STXBP5: variants seen among roughly 807,000 people sequenced by gnomAD.
STXBP5 encodes syntaxin binding protein 5.
STXBP5 carries 50 observed loss-of-function variants against 152.4 expected under a neutral mutation model. The observed-to-expected ratio is 0.33, with a 90% CI of 0.26 to 0.42. The LOEUF (loss-of-function observed/expected upper bound fraction) is 0.42, where lower values mean the gene tolerates loss of function less well. Ranked by LOEUF, STXBP5 falls within the 10% of genes least tolerant of loss-of-function variation. STXBP5 has a pLI of 1.00. For missense variants in STXBP5, 1,167 were observed against 1,388.6 expected, an observed-to-expected ratio of 0.84 and a Z score of 2.54; for synonymous variants, 492 against 494.7, an observed-to-expected ratio of 0.99 and a Z score of 0.07.
chr6:147,281,997 T>A (rs1780724997), intron 8 of STXBP5, among the ~76,000 whole-genome samples: 1 of 152,224 alleles, frequency 6.6e-6, no homozygotes, highest in Non-Finnish European at 1.5e-5. Flanking sequence ...TTGTATTTAC[T>A]CATTCTACAA....
chr6:147,345,356 A>G (rs906640571), intron 21 of STXBP5, among the ~76,000 whole-genome samples: 2 of 152,302 alleles, frequency 1.3e-5, no homozygotes, highest in Non-Finnish European at 1.5e-5. Context: ...GGCTACTAAA[A>G]TACATACGAT....
intron 25 of STXBP5, among the ~76,000 whole-genome samples, chr6:147,368,983 C>T (rs1785421853): frequency 6.6e-6 from 1 of 151,524 alleles, no homozygotes; most frequent in Admixed American, 6.6e-5. Context: ...TAGGAATTGA[C>T]AAATTTATCC....
intron 26 of STXBP5, among the ~76,000 whole-genome samples, chr6:147,379,461 G>A (rs1461291175): frequency 6.6e-6 from 1 of 152,098 alleles, no homozygotes; most frequent in African/African-American, 2.4e-5. Context: ...ACATGGTATA[G>A]AAGATTCAAT....
chr6:147,313,850 A>G, intron 11 of STXBP5, 34 bp from the exon 12 acceptor site: 1 of 1,362,422 alleles, frequency 7.3e-7, no homozygotes, highest in South Asian at 1.6e-5. Context: ...AATTCATTAA[A>G]TTAATAAATA....
At chr6:147,315,794 G>A in intron 15 of STXBP5, 59 bp downstream of exon 15, 1 of 1,526,624 alleles carries the variant, frequency 6.6e-7, no homozygotes, top group Non-Finnish European at 9.0e-7. Context: ...TTTTAAATTT[G>A]TGGATGATTT....
At chr6:147,374,331 C>T (rs929370953) in intron 26 of STXBP5, among the ~76,000 whole-genome samples, 1 of 152,128 alleles carries the variant, frequency 6.6e-6, no homozygotes, top group African/African-American at 2.4e-5. Context: ...TCAGTGAATG[C>T]TTGACCTTTC....
chr6:147,285,162 G>A (rs559360800), intron 8 of STXBP5, among the ~76,000 whole-genome samples: 1 of 152,252 alleles, frequency 6.6e-6, no homozygotes, highest in South Asian at 2.1e-4. Flanking sequence ...GTTATTAAGT[G>A]AGGTTTTATA....
In STXBP5 at chr6:147,290,913, C is replaced by T. The variant is rs537028297; in HGVS notation, c.839-181C>T. 2.0e-4 allele frequency among the ~76,000 whole-genome samples: 30 copies of T among 152,170 alleles called. No homozygotes were observed. In the East Asian group the frequency reaches 4.2e-3, roughly 22 times the overall value. On this transcript the variant is annotated intron_variant, in intron 8 of 27. Transcript: ENST00000321680. ...TTGCTTTTTAGCACTGAATTTCAAA[C>T]GGTAACTTTGCTTGATCATTTAAAA...
chr6:147,342,894 A>G (rs1784154827), intron 21 of STXBP5, among the ~76,000 whole-genome samples: 1 of 152,092 alleles, frequency 6.6e-6, no homozygotes, highest in Admixed American at 6.6e-5. Context: ...CTATTTCATT[A>G]TGGTTTTGTT....
At chr6:147,373,955 C>T in intron 26 of STXBP5, 113 bp downstream of exon 26, 1 of 609,056 alleles carries the variant, frequency 1.6e-6, no homozygotes, top group Non-Finnish European at 2.8e-6. Flanking sequence ...GTCACAATTA[C>T]TATTTCCATG....
At chr6:147,363,829 T>A in intron 24 of STXBP5, 125 bp downstream of exon 24, 1 of 1,425,648 alleles carries the variant, frequency 7.0e-7, no homozygotes. Flanking sequence ...TTTATTTTTA[T>A]TCTGTTAATA....
chr6:147,230,181 GTTTA>G (rs911930318), intron 2 of STXBP5, among the ~76,000 whole-genome samples: 14 of 151,894 alleles, frequency 9.2e-5, no homozygotes, highest in African/African-American at 3.1e-4. Context: ...AAAGATGATT[GTTTA>G]TTTATTTCTA....
At chr6:147,284,504 T>C (rs892385265) in intron 8 of STXBP5, among the ~76,000 whole-genome samples, 2 of 152,166 alleles carry the variant, frequency 1.3e-5, no homozygotes, top group Non-Finnish European at 2.9e-5. Context: ...TAATACATTG[T>C]GATAAGTGCT....
chr6:147,285,655 C>CT (rs1211901874), intron 8 of STXBP5, among the ~76,000 whole-genome samples: 1 of 151,890 alleles, frequency 6.6e-6, no homozygotes, highest in Non-Finnish European at 1.5e-5. Context: ...ACTTGTAAGT[C>CT]TGAATGTTAG....
rs142390104 is a variant in STXBP5 at position 147,352,033 on chromosome 6, T to C, written c.2255-1290T>C. Reference sequence around the variant, plus strand: ...TGCACTACCACTAACATAATAGATATAGTTGAACAACGCCTAACTTTAAAT... The same window carrying C: ...TGCACTACCACTAACATAATAGATACAGTTGAACAACGCCTAACTTTAAAT... On this transcript the variant is annotated intron_variant, in intron 21 of 27. Coordinates refer to ENST00000321680, the MANE Select transcript of STXBP5 (RefSeq NM_001127715.4). 20 of 203,332 alleles carry C rather than the reference T, an allele frequency of 9.8e-5. No individual in the cohort carries two copies. In the East Asian group the frequency reaches 3.7e-3, roughly 38 times the overall value. 12.6% of individuals were successfully genotyped at this position (203,332 alleles called of 1,614,324 possible).
intron 4 of STXBP5, among the ~76,000 whole-genome samples, chr6:147,244,941 G>C (rs1344777544): frequency 6.8e-6 from 1 of 146,410 alleles, no homozygotes; most frequent in African/African-American, 2.5e-5. Flanking sequence ...GATATGCCTA[G>C]CTATTATTTT....
At chr6:147,321,661 C>T (rs1782941821) in intron 16 of STXBP5, among the ~76,000 whole-genome samples, 1 of 152,034 alleles carries the variant, frequency 6.6e-6, no homozygotes, top group Non-Finnish European at 1.5e-5. Flanking sequence ...TTTTATTGTC[C>T]CTTTGCAAGG....
intron 4 of STXBP5, among the ~76,000 whole-genome samples, chr6:147,251,781 A>T (rs913523663): frequency 1.3e-5 from 2 of 152,156 alleles, no homozygotes; most frequent in African/African-American, 4.8e-5. Context: ...CCTGACCCCC[A>T]TGTATCCTTA....
intron 15 of STXBP5, among the ~76,000 whole-genome samples, chr6:147,316,004 C>A (rs776923041): frequency 6.6e-6 from 1 of 151,934 alleles, no homozygotes; most frequent in African/African-American, 2.4e-5. Context: ...AACACGAGTA[C>A]CATACATTCT....
Sources: gnomAD v4.1 joint callset for allele counts (sites outside exome capture counted in the v4.1 genomes callset) on GRCh38, gnomAD v4.1.1 for gene constraint, MANE v1.5 for transcripts, NCBI Gene and HGNC (gene_info 2026-07-23, HGNC 2026-07-21) for gene names.